The following BRINP2 variants were observed in gnomAD, a reference collection of about 807,000 sequenced individuals.
The protein encoded by BRINP2 is BMP/retinoic acid-inducible neural-specific protein 2.
Under a neutral mutation model 69.2 loss-of-function variants are expected in BRINP2, and 21 were observed. The observed-to-expected ratio is 0.30, with a 90% CI of 0.22 to 0.44. The LOEUF (loss-of-function observed/expected upper bound fraction) is 0.44, where lower values mean the gene tolerates loss of function less well. BRINP2 is among the 20% of genes least tolerant of loss of function. BRINP2 has a pLI of 1.00. For missense variants in BRINP2, 877 were observed against 986.0 expected (o/e 0.89, Z 1.48); for synonymous variants, 380 against 394.1 (o/e 0.96, Z 0.42).
intron 1 of BRINP2, among the ~76,000 whole-genome samples, chr1:177,216,596 T>G (rs533917447): frequency 6.6e-6 from 1 of 152,254 alleles, no homozygotes; most frequent in African/African-American, 2.4e-5. Flanking sequence ...GTTTTGTACT[T>G]TCATAAATTT....
chr1:177,280,267 A>T, intron 7 of BRINP2, 145 bp from the exon 8 acceptor site: 3 of 853,716 alleles, frequency 3.5e-6, no homozygotes, highest in African/African-American at 1.7e-5. Context: ...GTAGCAAAGT[A>T]GAGTTTCTGC....
chr1:177,228,191 G>T (rs1233713870), intron 1 of BRINP2, among the ~76,000 whole-genome samples: 3 of 152,328 alleles, frequency 2.0e-5, no homozygotes, highest in South Asian at 2.1e-4. Context: ...ATGGGAGGTG[G>T]TCAATATCCA....
chr1:177,273,507 G>A lies in BRINP2; in HGVS notation c.689G>A (p.Gly230Asp). ...GAIKVTETRTGPLGCSNYDNL... is the reference protein window; with the variant it reads ...GAIKVTETRTDPLGCSNYDNL... ...CTCTAGGTCACCGAGACCAGGACCG[G>A]TCCTCTGGGCTGCAGCAACTATGAC... The change falls in exon 5 of 8, where the codon GGT (glycine) becomes GAT (aspartate). Residue 230 changes from glycine (G) to aspartate (D), a missense_variant. Coordinates refer to ENST00000361539, the MANE Select transcript of BRINP2 (RefSeq NM_021165.4). 4 of 1,610,532 alleles carry A rather than the reference G, an allele frequency of 2.5e-6. No homozygotes were observed. Among genetic ancestry groups the A allele is most frequent in the Non-Finnish European group, 3.4e-6 (4 of 1,178,192 alleles).
chr1:177,235,161 G>A (rs1649979560), intron 2 of BRINP2, among the ~76,000 whole-genome samples: 1 of 152,128 alleles, frequency 6.6e-6, no homozygotes, highest in African/African-American at 2.4e-5. Context: ...CAGAACGTCA[G>A]GCCTCTCCCC....
At chr1:177,272,995 C>T (rs974723017) in intron 4 of BRINP2, among the ~76,000 whole-genome samples, 35 of 152,128 alleles carry the variant, frequency 2.3e-4, no homozygotes, top group African/African-American at 7.5e-4. Context: ...GTCTCAGTGC[C>T]GAGGTGGGAC....
chr1:177,273,950 G>T (rs557903449), intron 5 of BRINP2, among the ~76,000 whole-genome samples: 14 of 152,304 alleles, frequency 9.2e-5, no homozygotes, highest in Non-Finnish European at 1.9e-4. Context: ...AAAACCCTCT[G>T]CTTTATCCTA....
intron 1 of BRINP2, among the ~76,000 whole-genome samples, chr1:177,192,674 A>G (rs1164262701): frequency 6.6e-6 from 1 of 152,144 alleles, no homozygotes. Context: ...TTAATTTTGG[A>G]TTATTTACAG....
intron 2 of BRINP2, among the ~76,000 whole-genome samples, chr1:177,234,341 A>G (rs1272802875): frequency 6.6e-6 from 1 of 152,148 alleles, no homozygotes; most frequent in Non-Finnish European, 1.5e-5. Context: ...ACTCTAGACC[A>G]TGCCACCTCC....
chr1:177,177,615 C>T (rs1485158508), intron 1 of BRINP2, among the ~76,000 whole-genome samples: 1 of 151,658 alleles, frequency 6.6e-6, no homozygotes, highest in Non-Finnish European at 1.5e-5. Flanking sequence ...TAATCCTTCT[C>T]TTTCTATTTA....
chr1:177,185,882 A>G (rs969296465), intron 1 of BRINP2, among the ~76,000 whole-genome samples: 1 of 152,206 alleles, frequency 6.6e-6, no homozygotes, highest in Non-Finnish European at 1.5e-5. Flanking sequence ...CTCCCATCAG[A>G]CATAACCTGT....
intron 1 of BRINP2, among the ~76,000 whole-genome samples, chr1:177,229,051 G>T (rs1466594949): frequency 6.6e-6 from 1 of 152,152 alleles, no homozygotes; most frequent in Admixed American, 6.5e-5. Flanking sequence ...AAGCTGCATG[G>T]TGAGGTGAGA....
chr1:177,259,174 C>G (rs181160298), intron 4 of BRINP2, among the ~76,000 whole-genome samples: 7 of 152,298 alleles, frequency 4.6e-5, no homozygotes, highest in Non-Finnish European at 8.8e-5. Context: ...AAAAGCCAAA[C>G]AGCCTTCTTG....
intron 1 of BRINP2, among the ~76,000 whole-genome samples, chr1:177,183,742 A>G (rs150538415): frequency 1.2e-4 from 18 of 152,358 alleles, no homozygotes; most frequent in Non-Finnish European, 2.2e-4. Context: ...GTGAACCATC[A>G]TATTAAACTT....
chr1:177,272,032 A>G (rs1447724200), intron 4 of BRINP2, among the ~76,000 whole-genome samples: 1 of 152,174 alleles, frequency 6.6e-6, no homozygotes, highest in Admixed American at 6.5e-5. Flanking sequence ...CACCATGGTA[A>G]CAAGGCAGGG....
intron 1 of BRINP2, among the ~76,000 whole-genome samples, chr1:177,198,330 G>A (rs1648806263): frequency 6.6e-6 from 1 of 152,154 alleles, no homozygotes; most frequent in African/African-American, 2.4e-5. Context: ...GGAGAGGAAA[G>A]GAAGAAATAA....
chr1:177,275,019 G>A lies in BRINP2; in HGVS notation c.776-1179G>A, dbSNP rs146046590. 2.1e-3 allele frequency: 896 copies of A among 430,194 alleles called. 8 individuals are homozygous for A. Among genetic ancestry groups the A allele is most frequent in the African/African-American group, 0.016 (800 of 49,352 alleles). The allele number at this position is 430,194 out of a possible 1,614,324, so 26.6% of individuals were successfully genotyped here. On this transcript the variant is annotated intron_variant, in intron 5 of 7. Transcript: ENST00000361539. Reference sequence around the variant, plus strand: ...GCCTAAAAATAAAGAGCTGGCAGACGTTTGAGGAAAGAGGAGCTCACCATA... The same window carrying A: ...GCCTAAAAATAAAGAGCTGGCAGACATTTGAGGAAAGAGGAGCTCACCATA...
chr1:177,280,769 C>T lies in BRINP2; in HGVS notation c.1593C>T (p.Phe531=), dbSNP rs755255376. The change falls in exon 8 of 8, where the codon TTC becomes TTT. Residue 531 remains phenylalanine (F), a synonymous_variant. Transcript: ENST00000361539. ...QDSRIEVHSI[F]ISNDMRLGSW... ...GCCGCATTGAGGTACACTCCATCTTCATCAGCAATGACATGCGGCTGGGCA... is the reference window on the plus strand; with the variant it reads ...GCCGCATTGAGGTACACTCCATCTTTATCAGCAATGACATGCGGCTGGGCA... 3 of 1,614,194 alleles carry T rather than the reference C, an allele frequency of 1.9e-6. No homozygotes were observed. The highest frequency in any genetic ancestry group is 2.2e-5 in the East Asian group (1 of 44,872).
intron 2 of BRINP2, among the ~76,000 whole-genome samples, chr1:177,245,653 A>G (rs894143255): frequency 3.3e-5 from 5 of 152,188 alleles, no homozygotes; most frequent in African/African-American, 9.7e-5. Context: ...GGATGTCAGG[A>G]AAGATCTGAC....
chr1:177,204,440 T>C (rs571260479), intron 1 of BRINP2, among the ~76,000 whole-genome samples: 4 of 151,518 alleles, frequency 2.6e-5, no homozygotes, highest in Admixed American at 1.3e-4. Context: ...ATTGAATGAC[T>C]TGATGTAGAA....
Sources: allele counts gnomAD v4.1 joint callset (sites outside exome capture counted in the v4.1 genomes callset), GRCh38; gene constraint gnomAD v4.1.1; transcripts MANE v1.5; gene names NCBI Gene and HGNC (gene_info 2026-07-23, HGNC 2026-07-21).